NOP9: variants seen among roughly 807,000 people sequenced by gnomAD.
NOP9 encodes nucleolar protein 9.
A neutral mutation model predicts 63.0 loss-of-function variants in NOP9; 50 were observed. The ratio of observed to expected loss-of-function variants is 0.79; its 90% CI spans 0.63 to 1.00. NOP9 has a LOEUF of 1.00. NOP9 is among the 50% of genes least tolerant of loss of function. NOP9 has a pLI of 0.00. For missense variants in NOP9, 758 were observed against 803.0 expected, an observed-to-expected ratio of 0.94 and a Z score of 0.68; for synonymous variants, 343 against 332.8, an observed-to-expected ratio of 1.03 and a Z score of -0.33.
At chr14:24,279,465 G>A in the NOP9 span, among the ~76,000 whole-genome samples, 2 of 152,248 alleles carry the variant, frequency 1.3e-5, no homozygotes, top group Non-Finnish European at 2.9e-5. Context: ...CAGTGAGAAG[G>A]GAGGGCAGGT....
the NOP9 span, among the ~76,000 whole-genome samples, chr14:24,285,334 C>T: frequency 4.2e-4 from 64 of 152,290 alleles, 1 homozygote; most frequent in Non-Finnish European, 7.9e-4. Flanking sequence ...CTTACCCTCT[C>T]TGTTGGTGGG....
At position 24,303,232 on chromosome 14, in the gene NOP9, A is replaced by C. The variant is rs375854694; in HGVS notation, c.1284+18A>C. 19 of 1,613,848 alleles carry C rather than the reference A, an allele frequency of 1.2e-5. No individual in the cohort carries two copies. Among genetic ancestry groups the C allele is most frequent in the Middle Eastern group, 1.7e-4 (1 of 6,040 alleles). Reference sequence around the variant, plus strand: ...TGTTGGAGGTGAGTGGATATTACCCACAATCTGTTTATGCCCTCAGTTCAA... The same window carrying C: ...TGTTGGAGGTGAGTGGATATTACCCCCAATCTGTTTATGCCCTCAGTTCAA... On this transcript the variant is annotated intron_variant, in intron 6 of 9. Transcript: ENST00000267425.
In NOP9 at chr14:24,306,461, T is replaced by G. The variant is rs145472186; in HGVS notation, c.*1366T>G. 7.2e-5 allele frequency: 117 copies of G among 1,614,244 alleles called. 1 individual carries two copies. The African/African-American group carries it at 1.0e-3, about 14-fold the overall frequency. On this transcript the variant is annotated 3_prime_UTR_variant, in exon 10 of 10. Transcript: ENST00000267425. The stretch of plus-strand genomic sequence containing the variant: ...GCTGGAAGAAGTCCTCACTGTCCAC[T>G]GCAGTTCCATCCTCCTCTAGCACCA...
chr14:24,296,212 T>C (rs1339035016), upstream of NOP9, among the ~76,000 whole-genome samples: 67 of 152,206 alleles, frequency 4.4e-4, no homozygotes, highest in Admixed American at 4.4e-3. Context: ...GCTGTGCGCA[T>C]TACTGAGAGG....
the NOP9 span, chr14:24,293,411 T>C: frequency 6.7e-6 from 1 of 148,182 alleles, no homozygotes; most frequent in South Asian, 2.1e-4. Flanking sequence ...CCATCTGTAC[T>C]AAAAATACAA....
the NOP9 span, among the ~76,000 whole-genome samples, chr14:24,286,602 AT>A: frequency 6.7e-6 from 1 of 150,174 alleles, no homozygotes; most frequent in Admixed American, 6.6e-5. Flanking sequence ...TTATTTATTT[AT>A]TTTTTTCGAG....
rs2041471602 is a variant in NOP9, at chr14:24,305,543, G to A, written c.*448G>A. 1.2e-5 allele frequency: 18 copies of A among 1,508,522 alleles called. No individual in the cohort carries two copies. The highest frequency in any genetic ancestry group is 2.0e-5 in the Admixed American group (1 of 49,174). 93.4% of individuals were successfully genotyped at this position (1,508,522 alleles called of 1,614,324 possible). A position where few individuals can be genotyped will look rare whatever the true frequency, so the allele number is the denominator to read the frequency against. ...GGAAATTGGGTGGGTTATCTAGCCT[G>A]TACTGTCTGCAGGTCCTGAAATTTG... On this transcript the variant is annotated 3_prime_UTR_variant, in exon 10 of 10. Transcript: ENST00000267425.
At chr14:24,288,692 A>T in the NOP9 span, among the ~76,000 whole-genome samples, 2 of 152,110 alleles carry the variant, frequency 1.3e-5, no homozygotes, top group African/African-American at 2.4e-5. Context: ...GATGCTGTAT[A>T]TATATTATTT....
chr14:24,284,938 C>T, the NOP9 span, among the ~76,000 whole-genome samples: 1 of 152,180 alleles, frequency 6.6e-6, no homozygotes, highest in African/African-American at 2.4e-5. Context: ...CCTGACCTCC[C>T]CTTCTACTCA....
chr14:24,290,988 G>A, the NOP9 span: 55 of 1,614,056 alleles, frequency 3.4e-5, no homozygotes, highest in South Asian at 2.2e-4. Flanking sequence ...AGTCTTGGAC[G>A]GGGCGGCCTG....
At chr14:24,294,197 C>G in the NOP9 span, 1 of 152,116 alleles carries the variant, frequency 6.6e-6, no homozygotes, top group Admixed American at 6.5e-5. Context: ...CACACCAAGA[C>G]AGAAACTATA....
chr14:24,307,792 G>C lies in NOP9; in HGVS notation c.*2697G>C. 6.3e-7 allele frequency: 1 copy of C among 1,583,646 alleles called. No homozygotes were observed. The highest frequency in any genetic ancestry group is 8.6e-7 in the Non-Finnish European group (1 of 1,163,358). On this transcript the variant is annotated 3_prime_UTR_variant, in exon 10 of 10. Coordinates refer to ENST00000267425, the MANE Select transcript of NOP9 (RefSeq NM_174913.3). ...CCTGCCTATATCCCCTAAAGGTGGA[G>C]GGTAGAGCGGAGGGTTAGCAGTCAC...
In NOP9 at chr14:24,306,321, G is replaced by A. The variant is rs922298697; in HGVS notation, c.*1226G>A. 8 of 1,608,694 alleles carry A rather than the reference G, an allele frequency of 5.0e-6. No individual in the cohort carries two copies. The highest frequency in any genetic ancestry group is 4.0e-5 in the African/African-American group (3 of 74,888). ...CAGGGTTAAGCTAGAGAGGAAGCCCGGGAAAGCTCTAAAGGACAGGCATTG... is the reference window on the plus strand; with the variant it reads ...CAGGGTTAAGCTAGAGAGGAAGCCCAGGAAAGCTCTAAAGGACAGGCATTG... On this transcript the variant is annotated 3_prime_UTR_variant, in exon 10 of 10. Coordinates refer to ENST00000267425, the MANE Select transcript of NOP9 (RefSeq NM_174913.3).
At position 24,308,081 on chromosome 14, in the gene NOP9, C is replaced by G. The variant is rs1035557583; in HGVS notation, c.*2986C>G. The G allele has an allele frequency of 1.2e-5, 7 of 586,964 alleles. No homozygotes were observed. The African/African-American group carries it at 1.3e-4, about 11-fold the overall frequency. The allele number at this position is 586,964 out of a possible 1,614,324, so 36.4% of individuals were successfully genotyped here. A position where few individuals can be genotyped will look rare whatever the true frequency, so the allele number is the denominator to read the frequency against. ...AGATGGGGTCCTGGAGGAAGAATTG[C>G]CTGGCAAAAGCCATTGGAGCTTGTA... On this transcript the variant is annotated 3_prime_UTR_variant, in exon 10 of 10. Coordinates refer to ENST00000267425, the MANE Select transcript of NOP9 (RefSeq NM_174913.3).
At position 24,307,285 on chromosome 14, in the gene NOP9, C is replaced by T. The variant is rs936992230; in HGVS notation, c.*2190C>T. ...GGAGGGGCAGCTGTGTGACTTCAGCCCTCTGCTCCATCATCACAAGTTGCC... is the reference window on the plus strand; with the variant it reads ...GGAGGGGCAGCTGTGTGACTTCAGCTCTCTGCTCCATCATCACAAGTTGCC... On this transcript the variant is annotated 3_prime_UTR_variant, in exon 10 of 10. Transcript: ENST00000267425. 7 of 1,437,626 alleles carry T rather than the reference C, an allele frequency of 4.9e-6. No individual in the cohort carries two copies. Among genetic ancestry groups the T allele is most frequent in the Non-Finnish European group, 6.7e-6 (7 of 1,047,568 alleles). 89.1% of individuals were successfully genotyped at this position (1,437,626 alleles called of 1,614,324 possible). A position where few individuals can be genotyped will look rare whatever the true frequency, so the allele number is the denominator to read the frequency against.
chr14:24,276,833 A>G, the NOP9 span, among the ~76,000 whole-genome samples: 9 of 152,230 alleles, frequency 5.9e-5, no homozygotes, highest in Non-Finnish European at 5.9e-5. Context: ...ACTGAGGCAT[A>G]ATGTATTATA....
At chr14:24,274,644 T>C in the NOP9 span, among the ~76,000 whole-genome samples, 1 of 151,820 alleles carries the variant, frequency 6.6e-6, no homozygotes, top group Admixed American at 6.6e-5. Flanking sequence ...GGAGTCTCGT[T>C]CTGTCACCCA....
At chr14:24,282,934 G>A in the NOP9 span, among the ~76,000 whole-genome samples, 1 of 150,472 alleles carries the variant, frequency 6.6e-6, no homozygotes, top group Non-Finnish European at 1.5e-5. Context: ...CGCCCCCACA[G>A]CTGGCCCACT....
At chr14:24,300,924 T>A in intron 2 of NOP9, 67 bp downstream of exon 2, 1 of 1,304,870 alleles carries the variant, frequency 7.7e-7, no homozygotes, top group Non-Finnish European at 1.1e-6. Flanking sequence ...AATGAGACAG[T>A]AAACAGAAGA....
Sources: allele counts gnomAD v4.1 joint callset (sites outside exome capture counted in the v4.1 genomes callset), GRCh38; gene constraint gnomAD v4.1.1; transcripts MANE v1.5; gene names NCBI Gene and HGNC (gene_info 2026-07-23, HGNC 2026-07-21).